RBFOX1: variants seen among roughly 807,000 people sequenced by gnomAD.
RBFOX1 encodes the protein RNA binding protein fox-1 homolog 1.
Under a neutral mutation model 57.7 loss-of-function variants are expected in RBFOX1, and 8 were observed. The ratio of observed to expected loss-of-function variants is 0.14; its 90% CI spans 0.08 to 0.25. The LOEUF (loss-of-function observed/expected upper bound fraction) is 0.25, where lower values mean the gene tolerates loss of function less well. Among genes scored for constraint, RBFOX1 ranks in the 10% least tolerant of loss-of-function variants. The pLI is 1.00. For missense variants in RBFOX1, 611 were observed against 548.5 expected (o/e 1.11, Z -1.14); for synonymous variants, 326 against 222.4 (o/e 1.47, Z -4.15).
At chr16:6,170,805 C>T (rs964128580) in intron 1 of RBFOX1, among the ~76,000 whole-genome samples, 2 of 152,082 alleles carry the variant, frequency 1.3e-5, no homozygotes, top group Non-Finnish European at 2.9e-5. Flanking sequence ...TCCCTGTGTT[C>T]TCTTTAGTAC....
In RBFOX1 at chr16:6,150,516, CTA is replaced by C. The variant is rs1355835575; in HGVS notation, c.-127+130526_-127+130527del. On this transcript the variant is annotated intron_variant, in intron 1 of 15. Coordinates refer to ENST00000550418, the MANE Select transcript of RBFOX1 (RefSeq NM_018723.4). ...TGCCTATGTTGACCAGCTCTGTTCT[CTA>C]TGTTTTCCTTCCCAAATGAACCAAA... Among the ~76,000 whole-genome samples the C allele has an allele frequency of 2.0e-5, 3 of 152,148 alleles. No homozygotes were observed. In the South Asian group the frequency reaches 6.2e-4, roughly 32 times the overall value.
intron 1 of RBFOX1, among the ~76,000 whole-genome samples, chr16:5,304,088 C>G (rs1243803646): frequency 1.3e-5 from 2 of 152,266 alleles, no homozygotes; most frequent in East Asian, 1.9e-4. Context: ...GACAAATCTC[C>G]AAAGGAATAT....
chr16:6,318,777 T>C (rs1279632604), intron 2 of RBFOX1, among the ~76,000 whole-genome samples: 4 of 152,070 alleles, frequency 2.6e-5, no homozygotes, highest in Non-Finnish European at 4.4e-5. Flanking sequence ...AAGTATTAAT[T>C]TACTGCTCTA....
intron 4 of RBFOX1, among the ~76,000 whole-genome samples, chr16:7,386,844 A>G (rs992734729): frequency 6.6e-6 from 1 of 152,166 alleles, no homozygotes; most frequent in African/African-American, 2.4e-5. Flanking sequence ...ACTCCTACCA[A>G]CAGTGTAAAA....
chr16:5,889,296 C>T (rs908907225), intron 4 of RBFOX1, among the ~76,000 whole-genome samples: 1 of 152,132 alleles, frequency 6.6e-6, no homozygotes, highest in Non-Finnish European at 1.5e-5. Flanking sequence ...CATTCAGCTC[C>T]CCCTTATAAG....
At chr16:6,768,210 A>G (rs577188977) in intron 3 of RBFOX1, among the ~76,000 whole-genome samples, 1 of 152,200 alleles carries the variant, frequency 6.6e-6, no homozygotes, top group South Asian at 2.1e-4. Context: ...AAACAAAACA[A>G]GACCGAAAAC....
chr16:5,334,990 C>T (rs1308558460), intron 1 of RBFOX1, among the ~76,000 whole-genome samples: 1 of 152,050 alleles, frequency 6.6e-6, no homozygotes, highest in Non-Finnish European at 1.5e-5. Flanking sequence ...ACTTGTTTTT[C>T]TAGGCCAAAG....
chr16:7,488,497 T>C (rs2066016004), intron 4 of RBFOX1, among the ~76,000 whole-genome samples: 1 of 152,164 alleles, frequency 6.6e-6, no homozygotes, highest in Non-Finnish European at 1.5e-5. Context: ...TATCCATATA[T>C]ACATTCATCC....
At chr16:7,615,275 G>A (rs936632680) in intron 10 of RBFOX1, among the ~76,000 whole-genome samples, 2 of 152,144 alleles carry the variant, frequency 1.3e-5, no homozygotes, top group Non-Finnish European at 2.9e-5. Context: ...GGAGCTTGCA[G>A]TGAGCTGAGA....
At chr16:7,383,374 A>T (rs1047895461) in intron 4 of RBFOX1, among the ~76,000 whole-genome samples, 8 of 152,132 alleles carry the variant, frequency 5.3e-5, no homozygotes, top group African/African-American at 1.9e-4. Context: ...AAACAAAAAA[A>T]GCAGATGGCA....
chr16:5,571,215 C>T (rs75116313), intron 2 of RBFOX1, among the ~76,000 whole-genome samples: 10 of 79,812 alleles, frequency 1.3e-4, no homozygotes, highest in African/African-American at 2.0e-4. Flanking sequence ...CCATCTTTGA[C>T]TTTTTTTTTT....
chr16:7,676,727 A>G (rs1263639278), intron 13 of RBFOX1, 47 bp from the exon 14 acceptor site: 8 of 1,531,728 alleles, frequency 5.2e-6, no homozygotes, highest in Non-Finnish European at 7.2e-6. Flanking sequence ...GCATCCCTGC[A>G]TTGGGCTCCG....
rs1235178115 is a variant in RBFOX1 at position 7,712,753 on chromosome 16, C to G, written c.*2008C>G. On this transcript the variant is annotated 3_prime_UTR_variant, in exon 16 of 16. Coordinates refer to ENST00000550418, the MANE Select transcript of RBFOX1 (RefSeq NM_018723.4). ...TCTTAAAGGAAACGAATTATTAAAA[C>G]ACTATGACATCCTCCAGAGGGAAGA... 1 of 152,204 alleles carries G rather than the reference C, an allele frequency of 6.6e-6. No individual in the cohort carries two copies. The highest frequency in any genetic ancestry group is 2.4e-5 in the African/African-American group (1 of 41,450). 9.4% of individuals were successfully genotyped at this position (152,204 alleles called of 1,614,324 possible).
At position 6,628,459 on chromosome 16, in the gene RBFOX1, A is replaced by G. The variant is rs141186664; in HGVS notation, c.-63-26144A>G. 3.3e-4 allele frequency among the ~76,000 whole-genome samples: 50 copies of G among 152,316 alleles called. 1 individual carries two copies. The highest frequency in any genetic ancestry group is 1.1e-3 in the African/African-American group (46 of 41,564). On this transcript the variant is annotated intron_variant, in intron 2 of 15. Coordinates refer to ENST00000550418, the MANE Select transcript of RBFOX1 (RefSeq NM_018723.4). ...ATATAGAAAATATGAAAGAATCATAATATACTATATACCCAGCATTAAGAT... is the reference window on the plus strand; with the variant it reads ...ATATAGAAAATATGAAAGAATCATAGTATACTATATACCCAGCATTAAGAT...
At chr16:6,491,181 T>C (rs930254428) in intron 2 of RBFOX1, among the ~76,000 whole-genome samples, 2 of 151,896 alleles carry the variant, frequency 1.3e-5, no homozygotes, top group Admixed American at 1.3e-4. Flanking sequence ...CTATAGTCTA[T>C]TTATATGTAC....
At chr16:6,839,765 C>A (rs2093354793) in intron 3 of RBFOX1, among the ~76,000 whole-genome samples, 1 of 152,136 alleles carries the variant, frequency 6.6e-6, no homozygotes, top group Admixed American at 6.5e-5. Flanking sequence ...GCAGTTGAAA[C>A]ATTTGGATGT....
intron 3 of RBFOX1, among the ~76,000 whole-genome samples, chr16:6,943,449 C>G (rs1480448948): frequency 6.6e-6 from 1 of 152,188 alleles, no homozygotes; most frequent in African/African-American, 2.4e-5. Context: ...TGGCTCACAC[C>G]TGTAATCTCA....
At chr16:6,320,952 C>A (rs980204929) in intron 2 of RBFOX1, among the ~76,000 whole-genome samples, 16 of 152,120 alleles carry the variant, frequency 1.1e-4, no homozygotes, top group Non-Finnish European at 1.0e-4. Context: ...CACCACCATG[C>A]CCAGCTAATT....
chr16:6,494,732 T>A (rs904905462), intron 2 of RBFOX1, among the ~76,000 whole-genome samples: 1 of 152,234 alleles, frequency 6.6e-6, no homozygotes, highest in Non-Finnish European at 1.5e-5. Context: ...ATGCATATTA[T>A]GGAACACATC....
Sources: allele counts gnomAD v4.1 joint callset (sites outside exome capture counted in the v4.1 genomes callset), GRCh38; gene constraint gnomAD v4.1.1; transcripts MANE v1.5; gene names NCBI Gene and HGNC (gene_info 2026-07-23, HGNC 2026-07-21).